Variants in WIPF2 observed in about 807,000 individuals in gnomAD.
WIPF2 encodes WAS/WASL interacting protein family member 2.
Under a neutral mutation model 38.8 loss-of-function variants are expected in WIPF2, and 23 were observed. The observed-to-expected ratio is 0.59, with a 90% confidence interval of 0.43 to 0.84. The LOEUF is 0.84. WIPF2 is among the 40% of genes least tolerant of loss of function. WIPF2 has a pLI of 0.00. For missense variants in WIPF2, 574 were observed against 580.5 expected (o/e 0.99, Z 0.11); for synonymous variants, 210 against 223.2 (o/e 0.94, Z 0.53).
At chr17:40,271,620 A>G (rs536968017) in intron 5 of WIPF2, among the ~76,000 whole-genome samples, 25 of 152,332 alleles carry the variant, frequency 1.6e-4, no homozygotes, top group Admixed American at 4.6e-4. Flanking sequence ...TACGAAAAGC[A>G]GTGTGGGAGA....
rs560114331 is a variant in WIPF2 at position 40,246,834 on chromosome 17, C to T, written c.-69-9557C>T. 1.1e-3 allele frequency among the ~76,000 whole-genome samples: 170 copies of T among 150,434 alleles called. 2 individuals carry two copies. Among genetic ancestry groups the T allele is most frequent in the African/African-American group, 3.8e-3 (157 of 41,066 alleles). On this transcript the variant is annotated intron_variant, in intron 1 of 7. Transcript: ENST00000323571. ...TGTGCTTAAGAACTCATTTGTTGGC[C>T]GGGCGTGGCGACTCATGCCTGTAAT...
At position 40,264,712 on chromosome 17, in the gene WIPF2, C is replaced by T. The variant is rs1297342597; in HGVS notation, c.536C>T (p.Pro179Leu). Residue 179 changes from proline (P) to leucine (L), a missense_variant, in exon 5 of 8, where the codon CCA (proline) becomes CTA (leucine). Physicochemically the swap from Pro to Leu is moderately conservative, Grantham distance 98 (BLOSUM62 -3). Coordinates refer to ENST00000323571, the MANE Select transcript of WIPF2 (RefSeq NM_133264.5). Reference sequence around the variant, plus strand: ...AAGCACAGCTCCTCTGCCCCTCCCCCACCACCCCCAGGGCGGCGTGCCAAC... The same window carrying T: ...AAGCACAGCTCCTCTGCCCCTCCCCTACCACCCCCAGGGCGGCGTGCCAAC... The part of the protein sequence containing the change: ...GMKHSSSAPP[P>L]PPPGRRANAP... 9.9e-6 allele frequency: 16 copies of T among 1,611,788 alleles called. No individual in the cohort carries two copies. Among genetic ancestry groups the T allele is most frequent in the Non-Finnish European group, 1.3e-5 (15 of 1,178,854 alleles).
At chr17:40,227,051 T>C (rs572270338) in intron 1 of WIPF2, among the ~76,000 whole-genome samples, 58 of 150,456 alleles carry the variant, frequency 3.9e-4, no homozygotes, top group African/African-American at 1.3e-3. Flanking sequence ...TATTTATTTA[T>C]TTTTTTTTGA....
chr17:40,238,046 C>T (rs1315565451), intron 1 of WIPF2, among the ~76,000 whole-genome samples: 1 of 149,096 alleles, frequency 6.7e-6, no homozygotes, highest in East Asian at 2.1e-4. Flanking sequence ...AGCCTGGCAA[C>T]AGAGGGAGAC....
intron 1 of WIPF2, among the ~76,000 whole-genome samples, chr17:40,254,646 G>A (rs2145358525): frequency 6.6e-6 from 1 of 152,208 alleles, no homozygotes; most frequent in African/African-American, 2.4e-5. Context: ...CCAGGGATGT[G>A]ACTATACCAG....
In WIPF2 at chr17:40,219,449, A is replaced by C. The variant is rs1235315242; in HGVS notation, c.-113A>C. The C allele has an allele frequency of 3.7e-6, 1 of 270,208 alleles. No homozygotes were observed. The highest frequency in any genetic ancestry group is 7.2e-6 in the Non-Finnish European group (1 of 139,350). The allele number at this position is 270,208 out of a possible 1,614,324, so 16.7% of individuals were successfully genotyped here. ...GGCGAGCAGGACAGGACGAAGCCGG[A>C]GTGTAGGCGGCAGAGGATTCGCTCC... On this transcript the variant is annotated 5_prime_UTR_variant, in exon 1 of 8. Transcript: ENST00000323571.
intron 1 of WIPF2, among the ~76,000 whole-genome samples, chr17:40,228,788 T>A (rs1476944538): frequency 1.3e-5 from 2 of 151,906 alleles, no homozygotes. Context: ...GCACAATTTT[T>A]AAAATTTTTT....
chr17:40,283,662 G>A lies in WIPF2; in HGVS notation c.*5437G>A, dbSNP rs2143036664. On this transcript the variant is annotated 3_prime_UTR_variant, in exon 8 of 8. Coordinates refer to ENST00000323571, the MANE Select transcript of WIPF2 (RefSeq NM_133264.5). ...ATCTCTTATAATTCTTTCTACCTGT[G>A]TTGCATGGCAGATTCTCAGATTGAG... The A allele has an allele frequency of 6.6e-6, 1 of 152,294 alleles. No individual in the cohort carries two copies. The highest frequency in any genetic ancestry group is 2.1e-4 in the South Asian group (1 of 4,826). 9.4% of individuals were successfully genotyped at this position (152,294 alleles called of 1,614,324 possible).
intron 1 of WIPF2, among the ~76,000 whole-genome samples, chr17:40,220,932 C>T (rs1176692629): frequency 2.0e-5 from 3 of 151,706 alleles, no homozygotes; most frequent in Non-Finnish European, 4.4e-5. Flanking sequence ...CCCACCACCA[C>T]ACCTGGCTAA....
At position 40,280,814 on chromosome 17, in the gene WIPF2, A is replaced by G. The variant is rs183209768; in HGVS notation, c.*2589A>G. The G allele has an allele frequency of 6.6e-6, 1 of 152,614 alleles. No homozygotes were observed. The highest frequency in any genetic ancestry group is 1.5e-5 in the Non-Finnish European group (1 of 68,018). The allele number at this position is 152,614 out of a possible 1,614,324, so 9.5% of individuals were successfully genotyped here. A position where few individuals can be genotyped will look rare whatever the true frequency, so the allele number is the denominator to read the frequency against. ...TGTGTCACATGGGTATTGATTGTAT[A>G]CTTGTTGTCTTGGCCTCATGCAAAA... On this transcript the variant is annotated 3_prime_UTR_variant, in exon 8 of 8. Coordinates refer to ENST00000323571, the MANE Select transcript of WIPF2 (RefSeq NM_133264.5).
chr17:40,252,707 T>C (rs1598483995), intron 1 of WIPF2, among the ~76,000 whole-genome samples: 1 of 150,432 alleles, frequency 6.6e-6, no homozygotes, highest in Admixed American at 6.6e-5. Context: ...GGACCTCTGG[T>C]GACTGGAATT....
At chr17:40,224,455 G>A (rs182991565) in intron 1 of WIPF2, among the ~76,000 whole-genome samples, 91 of 139,168 alleles carry the variant, frequency 6.5e-4, no homozygotes, top group African/African-American at 2.4e-3. Flanking sequence ...CAACTTGTTA[G>A]CGAGGATGTC....
rs538382622 is a variant in WIPF2, at chr17:40,220,536, C to T, written c.-70+1044C>T. On this transcript the variant is annotated intron_variant, in intron 1 of 7. Coordinates refer to ENST00000323571, the MANE Select transcript of WIPF2 (RefSeq NM_133264.5). Reference sequence around the variant, plus strand: ...TAAGCCCCGCCAATAGCTGGGACCACAGGTGTGACCACTACTCCCGCCTAA... The same window carrying T: ...TAAGCCCCGCCAATAGCTGGGACCATAGGTGTGACCACTACTCCCGCCTAA... 6 of 139,216 alleles carry T rather than the reference C, an allele frequency of 4.3e-5. No individual in the cohort carries two copies. The Admixed American group carries it at 4.5e-4, about 10-fold the overall frequency. 8.6% of individuals were successfully genotyped at this position (139,216 alleles called of 1,614,324 possible).
At chr17:40,259,210 A>T (rs1378734390) in intron 2 of WIPF2, among the ~76,000 whole-genome samples, 1 of 151,124 alleles carries the variant, frequency 6.6e-6, no homozygotes, top group Non-Finnish European at 1.5e-5. Context: ...AAGCATATAG[A>T]GGTTTAGATT....
chr17:40,273,852 C>A lies in WIPF2; in HGVS notation c.1033C>A (p.Pro345Thr). ...CAGGGATGCTCCCCCTCCCCCACCA[C>A]CATACCGAATGCATGGGTCAGAACC... is the stretch of plus-strand genomic sequence containing the variant. Reference protein sequence around the residue: ...GARDAPPPPPPYRMHGSEPPS... With the variant: ...GARDAPPPPPTYRMHGSEPPS... The change falls in exon 6 of 8, where the codon CCA (proline) becomes ACA (threonine). Residue 345 changes from proline to threonine, a missense_variant. Coordinates refer to ENST00000323571, the MANE Select transcript of WIPF2 (RefSeq NM_133264.5). 1 of 1,583,962 alleles carries A rather than the reference C, an allele frequency of 6.3e-7. No individual in the cohort carries two copies. Among genetic ancestry groups the A allele is most frequent in the Non-Finnish European group, 8.6e-7 (1 of 1,157,510 alleles).
intron 1 of WIPF2, among the ~76,000 whole-genome samples, chr17:40,236,517 G>A (rs1235098527): frequency 2.0e-5 from 3 of 149,736 alleles, no homozygotes; most frequent in African/African-American, 7.4e-5. Context: ...TATCAGCCAG[G>A]CTGGTCTCGA....
intron 1 of WIPF2, among the ~76,000 whole-genome samples, chr17:40,229,411 A>ACATTTATT (rs2030649243): frequency 6.7e-6 from 1 of 150,094 alleles, no homozygotes; most frequent in Non-Finnish European, 1.5e-5. Flanking sequence ...CTGGCCAAAG[A>ACATTTATT]CATTTATTCA....
rs554719654 is a variant in WIPF2 at position 40,246,595 on chromosome 17, C to G, written c.-69-9796C>G. 3.5e-3 allele frequency among the ~76,000 whole-genome samples: 535 copies of G among 151,652 alleles called. 4 individuals carry two copies. The highest frequency in any genetic ancestry group is 6.8e-3 in the Middle Eastern group (2 of 294). ...TGTATTTTTAGTAGAGATGGTTTCACTATGTTGGCCAGGTTGGTCTTGAAC... is the reference window on the plus strand; with the variant it reads ...TGTATTTTTAGTAGAGATGGTTTCAGTATGTTGGCCAGGTTGGTCTTGAAC... On this transcript the variant is annotated intron_variant, in intron 1 of 7. Transcript: ENST00000323571.
chr17:40,242,553 C>G (rs984665125), intron 1 of WIPF2, among the ~76,000 whole-genome samples: 4 of 152,148 alleles, frequency 2.6e-5, no homozygotes, highest in East Asian at 1.9e-4. Flanking sequence ...GCGCCCGCCG[C>G]CACGCCTGGC....
Sources: gnomAD v4.1 joint callset for allele counts (sites outside exome capture counted in the v4.1 genomes callset) on GRCh38, gnomAD v4.1.1 for gene constraint, MANE v1.5 for transcripts, NCBI Gene and HGNC (gene_info 2026-07-23, HGNC 2026-07-21) for gene names.